The following SUV39H2 variants were observed in gnomAD, a reference collection of about 807,000 sequenced individuals.
The protein encoded by SUV39H2 is histone-lysine N-methyltransferase SUV39H2.
In SUV39H2, 10 loss-of-function variants were observed where a neutral mutation model predicts 47.5. The observed-to-expected ratio is 0.21, with a 90% CI of 0.13 to 0.36. SUV39H2 has a LOEUF of 0.36. Among genes scored for constraint, SUV39H2 ranks in the 10% least tolerant of loss-of-function variants. The pLI is 1.00. For synonymous variants in SUV39H2, 159 were observed against 166.8 expected (o/e 0.95, Z 0.36); for missense variants, 266 against 487.4 (o/e 0.55, Z 4.28).
chr10:14,902,394 C>G lies in SUV39H2; in HGVS notation c.1127-12C>G. On this transcript the variant is annotated splice_polypyrimidine_tract_variant and intron_variant, in intron 5 of 5. Coordinates refer to ENST00000354919, the MANE Select transcript of SUV39H2 (RefSeq NM_001193424.2). ...CTCTCTTTCTCCTATATTTCTTTTT[C>G]TGTGTCTTCAGGTTCTGGAGATATA... The G allele has an allele frequency of 6.4e-7, 1 of 1,559,848 alleles. No homozygotes were observed. The highest frequency in any genetic ancestry group is 8.7e-7 in the Non-Finnish European group (1 of 1,145,982).
chr10:14,901,358 T>C, intron 5 of SUV39H2, 96 bp downstream of exon 5: 1 of 1,505,214 alleles, frequency 6.6e-7, no homozygotes, highest in Non-Finnish European at 9.0e-7. Context: ...CCAAACCTAA[T>C]ACTAAAGATG....
At chr10:14,888,098 G>A (rs925709737) in intron 2 of SUV39H2, among the ~76,000 whole-genome samples, 6 of 152,208 alleles carry the variant, frequency 3.9e-5, no homozygotes, top group African/African-American at 7.2e-5. Context: ...TCTTAAGGGC[G>A]TAGAGAACCA....
At position 14,883,704 on chromosome 10, in the gene SUV39H2, C is replaced by CAAAAAAAAAAA. The variant is rs58522342; in HGVS notation, c.177+2077_177+2087dup. 1.0e-2 allele frequency among the ~76,000 whole-genome samples: 499 copies of CAAAAAAAAAAA among 50,034 alleles called. 21 individuals are homozygous for CAAAAAAAAAAA. Among genetic ancestry groups the CAAAAAAAAAAA allele is most frequent in the Non-Finnish European group, 0.017 (320 of 18,378 alleles). The allele number at this position is 50,034 out of a possible 152,430, so 32.8% of individuals were successfully genotyped here. ...TGGGCAACAGAGCGAGACTCAGTCT[C>CAAAAAAAAAAA]AAAAAAAAAAAAAAAAAAAAAAAAA... On this transcript the variant is annotated intron_variant, in intron 2 of 5. Coordinates refer to ENST00000354919, the MANE Select transcript of SUV39H2 (RefSeq NM_001193424.2).
chr10:14,901,927 CTACTT>C (rs1834052329), intron 5 of SUV39H2, among the ~76,000 whole-genome samples: 1 of 152,032 alleles, frequency 6.6e-6, no homozygotes, highest in African/African-American at 2.4e-5. Context: ...TATTCTATTC[CTACTT>C]GAACCTGGCT....
intron 2 of SUV39H2, among the ~76,000 whole-genome samples, chr10:14,889,538 G>A (rs886709922): frequency 1.3e-5 from 2 of 152,200 alleles, no homozygotes; most frequent in East Asian, 1.9e-4. Flanking sequence ...GAGGAAGTGC[G>A]TCTCTCTTTT....
intron 2 of SUV39H2, among the ~76,000 whole-genome samples, chr10:14,896,592 T>C (rs1365071674): frequency 6.6e-6 from 1 of 152,238 alleles, no homozygotes; most frequent in Non-Finnish European, 1.5e-5. Flanking sequence ...TTTGTCTTTT[T>C]CCAGGTAAAA....
intron 2 of SUV39H2, among the ~76,000 whole-genome samples, chr10:14,894,534 AT>A (rs1833502837): frequency 9.0e-6 from 1 of 110,546 alleles, no homozygotes. Flanking sequence ...CGCCCGGCTA[AT>A]TTTTTGTATT....
chr10:14,890,613 C>G (rs1833357513), intron 2 of SUV39H2, among the ~76,000 whole-genome samples: 1 of 152,214 alleles, frequency 6.6e-6, no homozygotes, highest in South Asian at 2.1e-4. Context: ...AACTCCTGGG[C>G]TCAAGCAATC....
rs779970656 is a variant in SUV39H2 at position 14,897,413 on chromosome 10, C to A, written c.745C>A (p.Gln249Lys). Reference protein sequence around the residue: ...CPNRIVQKGTQYSLCIFRTSN... With the variant: ...CPNRIVQKGTKYSLCIFRTSN... ...CAATAGGATTGTACAAAAAGGCACA[C>A]AGTATTCGCTTTGCATCTTTCGAAC... is the stretch of plus-strand genomic sequence containing the variant. Residue 249 changes from glutamine (Q) to lysine (K), a missense_variant, in exon 3 of 6, where the codon CAG becomes AAG. Around this residue, in one of 4 missense-constraint regions of SUV39H2, gnomAD observed 112 missense variants for 271.9 expected, o/e 0.41. Coordinates refer to ENST00000354919, the MANE Select transcript of SUV39H2 (RefSeq NM_001193424.2). 6.2e-7 allele frequency: 1 copy of A among 1,613,400 alleles called. No individual in the cohort carries two copies. The highest frequency in any genetic ancestry group is 1.1e-5 in the South Asian group (1 of 91,054).
rs754481134 is a variant in SUV39H2 at position 14,901,096 on chromosome 10, C to G, written c.997-37C>G. ...GGCATGTAGAAGGGCTTGTTTACACCGTTTGTACTTAAATGGGTTCTAATG... is the reference window on the plus strand; with the variant it reads ...GGCATGTAGAAGGGCTTGTTTACACGGTTTGTACTTAAATGGGTTCTAATG... On this transcript the variant is annotated intron_variant, in intron 4 of 5. Transcript: ENST00000354919. 2.5e-6 allele frequency: 4 copies of G among 1,608,834 alleles called. No homozygotes were observed. The South Asian group carries it at 4.4e-5, about 18-fold the overall frequency.
At chr10:14,897,587 A>T in intron 3 of SUV39H2, 70 bp downstream of exon 3, 3 of 1,323,708 alleles carry the variant, frequency 2.3e-6, no homozygotes, top group Non-Finnish European at 3.0e-6. Flanking sequence ...TTACCTTTTT[A>T]TCTCTTTAAG....
In SUV39H2 at chr10:14,878,885, C is replaced by G. The variant is rs944752037; in HGVS notation, c.-4C>G. On this transcript the variant is annotated 5_prime_UTR_variant, in exon 1 of 6. Coordinates refer to ENST00000354919, the MANE Select transcript of SUV39H2 (RefSeq NM_001193424.2). ...CGCGCCAGTTTGAATGAAAGCTCTA[C>G]AAGATGGCGGCGGTCGGGGCCGAGG... is the stretch of plus-strand genomic sequence containing the variant. 4.0e-6 allele frequency: 6 copies of G among 1,489,138 alleles called. No homozygotes were observed. Among genetic ancestry groups the G allele is most frequent in the Non-Finnish European group, 5.4e-6 (6 of 1,118,984 alleles). The allele number at this position is 1,489,138 out of a possible 1,614,324, so 92.2% of individuals were successfully genotyped here. A position where few individuals can be genotyped will look rare whatever the true frequency, so the allele number is the denominator to read the frequency against.
At chr10:14,895,399 C>T (rs1221758015) in intron 2 of SUV39H2, among the ~76,000 whole-genome samples, 1 of 152,164 alleles carries the variant, frequency 6.6e-6, no homozygotes, top group African/African-American at 2.4e-5. Context: ...TGGTCTTGAA[C>T]TCCTGGCCCC....
intron 2 of SUV39H2, among the ~76,000 whole-genome samples, chr10:14,895,875 T>G (rs1833570545): frequency 6.6e-6 from 1 of 152,032 alleles, no homozygotes; most frequent in Non-Finnish European, 1.5e-5. Flanking sequence ...TTAGTGTTCT[T>G]TTTTTTGTAT....
intron 4 of SUV39H2, among the ~76,000 whole-genome samples, chr10:14,900,067 A>G (rs1472345819): frequency 6.6e-6 from 1 of 152,248 alleles, no homozygotes; most frequent in South Asian, 2.1e-4. Context: ...TTTAGGATGT[A>G]CAACTGAAGG....
chr10:14,880,288 T>A (rs1302164966), intron 1 of SUV39H2, among the ~76,000 whole-genome samples: 1 of 152,178 alleles, frequency 6.6e-6, no homozygotes, highest in Non-Finnish European at 1.5e-5. Context: ...TTTCTGACAA[T>A]GAAGTTTCTG....
At chr10:14,881,791 G>C in intron 2 of SUV39H2, 146 bp downstream of exon 2, 1 of 711,334 alleles carries the variant, frequency 1.4e-6, no homozygotes, top group Non-Finnish European at 2.1e-6. Context: ...CCTATCATCT[G>C]TGTTGCCAAA....
At chr10:14,895,616 G>A (rs1833555525) in intron 2 of SUV39H2, among the ~76,000 whole-genome samples, 1 of 152,190 alleles carries the variant, frequency 6.6e-6, no homozygotes, top group Admixed American at 6.5e-5. Context: ...CTGAGGGATA[G>A]ATTAGAATAG....
intron 2 of SUV39H2, among the ~76,000 whole-genome samples, chr10:14,886,281 G>A (rs537096705): frequency 7.2e-5 from 11 of 152,192 alleles, no homozygotes; most frequent in Admixed American, 1.3e-4. Context: ...TACACAGCCT[G>A]CACAGTTCAG....
Sources: gnomAD v4.1 joint callset for allele counts (sites outside exome capture counted in the v4.1 genomes callset) on GRCh38, gnomAD v4.1.1 for gene constraint, gnomAD v4.1.1 regional missense constraint, MANE v1.5 for transcripts, NCBI Gene and HGNC (gene_info 2026-07-23, HGNC 2026-07-21) for gene names.